DHX9: variants seen among roughly 807,000 people sequenced by gnomAD.
DHX9 encodes the protein DExH-box helicase 9.
A neutral mutation model predicts 148.7 loss-of-function variants in DHX9; 27 were observed. That is an observed-to-expected ratio of 0.18 (90% CI 0.13 to 0.25). The LOEUF is 0.25. Among genes scored for constraint, DHX9 ranks in the 10% least tolerant of loss-of-function variants. The pLI, the probability that DHX9 is intolerant of heterozygous loss-of-function variation, is 1.00. For missense variants in DHX9, 796 were observed against 1,559.6 expected, an observed-to-expected ratio of 0.51 and a Z score of 8.25; for synonymous variants, 529 against 516.6, an observed-to-expected ratio of 1.02 and a Z score of -0.33.
At chr1:182,879,728 CTTTT>C (rs1293440581) in intron 21 of DHX9, among the ~76,000 whole-genome samples, 1 of 151,986 alleles carries the variant, frequency 6.6e-6, no homozygotes, top group East Asian at 1.9e-4. Context: ...TCTCTTACAA[CTTTT>C]TTTGTTTTTT....
chr1:182,857,458 T>C (rs761029809), intron 7 of DHX9, among the ~76,000 whole-genome samples: 1 of 152,234 alleles, frequency 6.6e-6, no homozygotes, highest in Admixed American at 6.5e-5. Flanking sequence ...ACTGCCTGTT[T>C]TTATAAGAAC....
chr1:182,880,045 C>T (rs1649018289), intron 21 of DHX9, among the ~76,000 whole-genome samples: 1 of 152,072 alleles, frequency 6.6e-6, no homozygotes, highest in Non-Finnish European at 1.5e-5. Context: ...TTTTTTCTTG[C>T]TAAACTTGTT....
chr1:182,879,999 C>T (rs1345661972), intron 21 of DHX9, among the ~76,000 whole-genome samples: 1 of 152,228 alleles, frequency 6.6e-6, no homozygotes, highest in Non-Finnish European at 1.5e-5. Context: ...GCTGGGATTA[C>T]AGGCAGGAGC....
In DHX9 at chr1:182,876,072, G is replaced by A. The variant is rs1648750502; in HGVS notation, c.1838G>A (p.Gly613Asp). ...DDDANCNLIC[G>D]DEYGPETRLS... ...CAGGCAAATTGCAACTTGATCTGTGGTGATGAATATGGTCCAGAAACAAGG... is the reference window on the plus strand; with the variant it reads ...CAGGCAAATTGCAACTTGATCTGTGATGATGAATATGGTCCAGAAACAAGG... The change falls in exon 17 of 28, where the codon GGT becomes GAT. Residue 613 changes from glycine to aspartate, a missense_variant. Physicochemically the swap from Gly to Asp is moderately conservative, Grantham distance 94. This residue lies in a region of DHX9 where 133 missense variants were observed against 223.8 expected (regional missense o/e 0.59). Coordinates refer to ENST00000367549, the MANE Select transcript of DHX9 (RefSeq NM_001357.5). 2 of 1,613,728 alleles carry A rather than the reference G, an allele frequency of 1.2e-6. No individual in the cohort carries two copies. The highest frequency in any genetic ancestry group is 1.7e-6 in the Non-Finnish European group (2 of 1,179,836).
At chr1:182,855,627 A>C in intron 6 of DHX9, 2 of 985,454 alleles carry the variant, frequency 2.0e-6, no homozygotes, top group Non-Finnish European at 2.4e-6. Flanking sequence ...TGAGAAACAT[A>C]CTGGCATCGA....
Position 182,866,597 on chromosome 1 carries a change from A to T in DHX9, c.1474+12A>T. The T allele has an allele frequency of 1.2e-6, 2 of 1,603,700 alleles. No homozygotes were observed. Among genetic ancestry groups the T allele is most frequent in the African/African-American group, 1.3e-5 (1 of 74,780 alleles). On this transcript the variant is annotated intron_variant, in intron 13 of 27. Transcript: ENST00000367549. ...GTTTTGTACTGTAGGTCAGTAATGT[A>T]TTTTGATTTTTCATTTGGGGTTTAT... is the stretch of plus-strand genomic sequence containing the variant.
chr1:182,843,272 G>C (rs770090399), intron 2 of DHX9, 22 bp from the exon 3 acceptor site: 3 of 1,507,624 alleles, frequency 2.0e-6, no homozygotes, highest in South Asian at 1.3e-5. Context: ...CAGTCTCTTA[G>C]TACTTTTTTT....
At chr1:182,840,691 C>T (rs1241943402) in intron 1 of DHX9, among the ~76,000 whole-genome samples, 5 of 152,182 alleles carry the variant, frequency 3.3e-5, no homozygotes, top group Non-Finnish European at 5.9e-5. Context: ...GTGATCTTAC[C>T]TGTACAAGGT....
chr1:182,876,028 T>TA, intron 16 of DHX9, 22 bp from the exon 17 acceptor site: 1 of 1,600,446 alleles, frequency 6.2e-7, no homozygotes, highest in Non-Finnish European at 8.6e-7. Flanking sequence ...AATCCAAAAA[T>TA]ATGTCTCCCT....
rs1340678327 is a variant in DHX9, at chr1:182,883,078, C to T, written c.2915-61C>T. On this transcript the variant is annotated intron_variant, in intron 24 of 27. Coordinates refer to ENST00000367549, the MANE Select transcript of DHX9 (RefSeq NM_001357.5). ...TCTCTGAATTATCTTAAATAGTTTG[C>T]ATGTAATGTGAAGATCAGCCAGTTA... 9.3e-6 allele frequency: 10 copies of T among 1,078,680 alleles called. No individual in the cohort carries two copies. In the East Asian group the frequency reaches 1.7e-4, roughly 18 times the overall value. The allele number at this position is 1,078,680 out of a possible 1,614,324, so 66.8% of individuals were successfully genotyped here.
Position 182,887,192 on chromosome 1 carries a change from A to C in DHX9, c.3571A>C (p.Ser1191Arg). ...TGGAGGCTATGGCGGTGGCTATAGC[A>C]GTGGAGGCTATGGTAGCGGAGGCTA... ...SGGGYGGGYSSGGYGSGGYGG... is the reference protein window; with the variant it reads ...SGGGYGGGYSRGGYGSGGYGG... Residue 1191 changes from serine (S) to arginine (R), a missense_variant, in exon 28 of 28, where the codon AGT becomes CGT. This residue lies in a region of DHX9 where 98 missense variants were observed against 105.5 expected (regional missense o/e 0.93). Coordinates refer to ENST00000367549, the MANE Select transcript of DHX9 (RefSeq NM_001357.5). 6.2e-7 allele frequency: 1 copy of C among 1,614,090 alleles called. No individual in the cohort carries two copies. The highest frequency in any genetic ancestry group is 8.5e-7 in the Non-Finnish European group (1 of 1,179,972).
At chr1:182,851,372 GTGTC>G (rs1164833556) in intron 3 of DHX9, among the ~76,000 whole-genome samples, 1 of 152,150 alleles carries the variant, frequency 6.6e-6, no homozygotes, top group Non-Finnish European at 1.5e-5. Context: ...ATTTAGATAA[GTGTC>G]TGGCAAAACT....
At chr1:182,860,306 A>G (rs991691474) in intron 12 of DHX9, 122 bp downstream of exon 12, 2 of 860,720 alleles carry the variant, frequency 2.3e-6, no homozygotes, top group Non-Finnish European at 3.4e-6. Flanking sequence ...AATTAAATTT[A>G]AAAAAAGAAA....
At chr1:182,841,296 A>G (rs1010083678) in intron 1 of DHX9, among the ~76,000 whole-genome samples, 3 of 152,142 alleles carry the variant, frequency 2.0e-5, no homozygotes, top group South Asian at 4.1e-4. Context: ...GTCTCAAAAA[A>G]AAAAAGAGAG....
At chr1:182,874,981 AT>A (rs1415218023) in intron 16 of DHX9, 27 bp downstream of exon 16, 1 of 1,558,980 alleles carries the variant, frequency 6.4e-7, no homozygotes, top group Admixed American at 1.7e-5. Flanking sequence ...AAGAATTTCC[AT>A]TATGGGCAAA....
At chr1:182,872,153 A>G (rs1648576942) in intron 14 of DHX9, among the ~76,000 whole-genome samples, 184 bp from the exon 15 acceptor site, 1 of 152,214 alleles carries the variant, frequency 6.6e-6, no homozygotes, top group Non-Finnish European at 1.5e-5. Context: ...ACTGTTCTCA[A>G]AAATTGTTAT....
At chr1:182,853,621 A>C (rs1386241470) in intron 5 of DHX9, among the ~76,000 whole-genome samples, 1 of 152,198 alleles carries the variant, frequency 6.6e-6, no homozygotes, top group Non-Finnish European at 1.5e-5. Flanking sequence ...GAGGAAAAAA[A>C]CAGTATTTTT....
chr1:182,852,393 T>A, intron 4 of DHX9, 49 bp downstream of exon 4: 1 of 1,287,710 alleles, frequency 7.8e-7, no homozygotes, highest in Non-Finnish European at 1.1e-6. Flanking sequence ...ATATACACAA[T>A]CTTGATCACC....
intron 14 of DHX9, 126 bp downstream of exon 14, chr1:182,867,169 A>C (rs1648332791): frequency 7.0e-6 from 4 of 575,464 alleles, no homozygotes; most frequent in Non-Finnish European, 1.2e-5. Context: ...TCAGTCACTA[A>C]GATGTTGAAA....
Sources: gnomAD v4.1 joint callset for allele counts (sites outside exome capture counted in the v4.1 genomes callset) on GRCh38, gnomAD v4.1.1 for gene constraint, gnomAD v4.1.1 regional missense constraint, MANE v1.5 for transcripts, NCBI Gene and HGNC (gene_info 2026-07-23, HGNC 2026-07-21) for gene names.